The following TPST1 variants were observed in gnomAD, a reference collection of about 807,000 sequenced individuals.
TPST1 encodes tyrosylprotein sulfotransferase 1, also known as protein-tyrosine sulfotransferase 1.
Under a neutral mutation model 34.8 loss-of-function variants are expected in TPST1, and 20 were observed. The observed-to-expected ratio is 0.57, with a 90% CI of 0.40 to 0.84. The LOEUF (loss-of-function observed/expected upper bound fraction) is 0.84. Among genes scored for constraint, TPST1 ranks in the 40% least tolerant of loss-of-function variants. The pLI is 0.00. For synonymous variants in TPST1, 152 were observed against 159.4 expected, an observed-to-expected ratio of 0.95 and a Z score of 0.35; for missense variants, 353 against 455.5, an observed-to-expected ratio of 0.78 and a Z score of 2.05.
At chr7:66,238,408 CT>C (rs370723283) in intron 1 of TPST1, among the ~76,000 whole-genome samples, 28,401 of 131,836 alleles carry the variant, frequency 0.22, 2,990 homozygotes, top group East Asian at 0.36. Flanking sequence ...ACAGCACTGG[CT>C]TTTTTTTTTT....
At chr7:66,344,218 A>G (rs975946184) in intron 3 of TPST1, 1 of 152,170 alleles carries the variant, frequency 6.6e-6, no homozygotes, top group Non-Finnish European at 1.5e-5. Flanking sequence ...CAACAGAGAG[A>G]GATCTGTTGA....
At chr7:66,341,813 CTG>C (rs1792244788) in intron 3 of TPST1, among the ~76,000 whole-genome samples, 1 of 152,120 alleles carries the variant, frequency 6.6e-6, no homozygotes, top group Non-Finnish European at 1.5e-5. Flanking sequence ...CATAAATGAA[CTG>C]TAATTAATAT....
intron 4 of TPST1, among the ~76,000 whole-genome samples, chr7:66,354,481 G>A (rs1258474104): frequency 1.5e-5 from 2 of 133,640 alleles, no homozygotes; most frequent in African/African-American, 2.8e-5. Context: ...GGTGGTGTGC[G>A]CCTGTAATCC....
rs1554351556 is a variant in TPST1 at position 66,311,138 on chromosome 7, T to TG, written c.1044+24429_1044+24430insG. Reference sequence around the variant, plus strand: ...CCTATTGAAGTATTTTGTCTTTTTTTTGTGTGTGTGTGACAGGGTTTCACT... The same window carrying TG: ...CCTATTGAAGTATTTTGTCTTTTTTTGTGTGTGTGTGTGACAGGGTTTCACT... On this transcript the variant is annotated intron_variant, in intron 3 of 5. Coordinates refer to ENST00000304842, the MANE Select transcript of TPST1 (RefSeq NM_003596.4). Among the ~76,000 whole-genome samples, 4 of 152,030 alleles carry TG rather than the reference T, an allele frequency of 2.6e-5. No homozygotes were observed. The East Asian group carries it at 7.7e-4, about 29-fold the overall frequency.
intron 2 of TPST1, among the ~76,000 whole-genome samples, chr7:66,244,240 A>G (rs1176499973): frequency 1.3e-5 from 2 of 152,156 alleles, no homozygotes; most frequent in Admixed American, 6.6e-5. Flanking sequence ...GGCGTGAGCC[A>G]CCGCGCCTGG....
At chr7:66,292,964 T>C (rs1175881346) in intron 3 of TPST1, among the ~76,000 whole-genome samples, 1 of 152,156 alleles carries the variant, frequency 6.6e-6, no homozygotes, top group Non-Finnish European at 1.5e-5. Flanking sequence ...CCCAGCACTT[T>C]GGGAGGTCGA....
intron 1 of TPST1, among the ~76,000 whole-genome samples, chr7:66,230,335 T>C (rs558770630): frequency 1.7e-3 from 265 of 152,376 alleles, no homozygotes; most frequent in African/African-American, 4.6e-3. Flanking sequence ...TGACTACTAT[T>C]GTGTCTGGAA....
At chr7:66,319,587 T>C (rs1466868482) in intron 3 of TPST1, among the ~76,000 whole-genome samples, 2 of 152,240 alleles carry the variant, frequency 1.3e-5, no homozygotes, top group African/African-American at 4.8e-5. Context: ...CTGAATTTGA[T>C]AGAAGTTCAG....
chr7:66,359,214 A>G (rs979394272), intron 5 of TPST1: 34 of 149,288 alleles, frequency 2.3e-4, no homozygotes, highest in African/African-American at 8.3e-4. Context: ...CCATTTCTTC[A>G]CATGAGGAGG....
intron 1 of TPST1, among the ~76,000 whole-genome samples, chr7:66,239,463 GTTTTCC>G (rs1789981586): frequency 6.6e-6 from 1 of 152,174 alleles, no homozygotes; most frequent in Non-Finnish European, 1.5e-5. Flanking sequence ...TTACTATACT[GTTTTCC>G]TTTTCAAAGT....
chr7:66,227,027 G>GTTTTTTTTT (rs1390977469), intron 1 of TPST1, among the ~76,000 whole-genome samples: 3 of 46,032 alleles, frequency 6.5e-5, no homozygotes, highest in African/African-American at 3.4e-4. Context: ...CTTAAAATAA[G>GTTTTTTTTT]CTTTTTTTTT....
chr7:66,208,614 G>T (rs1283563895), intron 1 of TPST1, among the ~76,000 whole-genome samples: 1 of 151,822 alleles, frequency 6.6e-6, no homozygotes, highest in Non-Finnish European at 1.5e-5. Flanking sequence ...GATTACAGGC[G>T]CCTGCCACCA....
the TPST1 span, among the ~76,000 whole-genome samples, chr7:66,199,059 T>C: frequency 3.9e-5 from 6 of 152,298 alleles, no homozygotes; most frequent in Admixed American, 3.9e-4. Context: ...TCTTTGGCTC[T>C]GGAGTCCTCT....
chr7:66,204,282 T>G (rs1394553253), upstream of TPST1, among the ~76,000 whole-genome samples: 2 of 152,122 alleles, frequency 1.3e-5, no homozygotes, highest in Non-Finnish European at 2.9e-5. Flanking sequence ...TATTATACTG[T>G]GTGCAAAGGA....
chr7:66,359,764 C>T (rs892270126), intron 5 of TPST1, 131 bp from the exon 6 acceptor site: 40 of 413,666 alleles, frequency 9.7e-5, no homozygotes, highest in South Asian at 5.5e-4. Flanking sequence ...ATCCTCCTGG[C>T]CCCTGATCTG....
chr7:66,349,829 C>G (rs1438270716), intron 3 of TPST1, among the ~76,000 whole-genome samples: 1 of 152,030 alleles, frequency 6.6e-6, no homozygotes, highest in African/African-American at 2.4e-5. Context: ...CAACAAAAAA[C>G]CCAAAACAAA....
At chr7:66,268,141 T>C (rs1028668247) in intron 2 of TPST1, among the ~76,000 whole-genome samples, 4 of 151,964 alleles carry the variant, frequency 2.6e-5, no homozygotes, top group Non-Finnish European at 1.5e-5. Flanking sequence ...TTAGTAGAGA[T>C]GAGGTTTTGC....
intron 3 of TPST1, among the ~76,000 whole-genome samples, chr7:66,293,617 T>C (rs539172166): frequency 6.6e-6 from 1 of 152,364 alleles, no homozygotes; most frequent in South Asian, 2.1e-4. Flanking sequence ...TAGGGTATTT[T>C]GCTCAGTTTC....
intron 3 of TPST1, among the ~76,000 whole-genome samples, chr7:66,347,490 T>A (rs1792380157): frequency 6.6e-6 from 1 of 152,210 alleles, no homozygotes; most frequent in Non-Finnish European, 1.5e-5. Context: ...TCTCTGTAGA[T>A]GTGTGGATAT....
Sources: allele counts gnomAD v4.1 joint callset (sites outside exome capture counted in the v4.1 genomes callset), GRCh38; gene constraint gnomAD v4.1.1; transcripts MANE v1.5; gene names NCBI Gene and HGNC (gene_info 2026-07-23, HGNC 2026-07-21).